Variants in SIM1 observed in about 807,000 individuals in gnomAD.
SIM1 encodes the protein SIM bHLH transcription factor 1.
In SIM1, 18 loss-of-function variants were observed where a neutral mutation model predicts 78.2. The observed-to-expected ratio is 0.23, with a 90% CI of 0.16 to 0.34. The LOEUF (loss-of-function observed/expected upper bound fraction) is 0.34. SIM1 is among the 10% of genes least tolerant of loss of function. The pLI is 1.00. For synonymous variants in SIM1, 417 were observed against 385.2 expected, an observed-to-expected ratio of 1.08 and a Z score of -0.97; for missense variants, 939 against 975.1, an observed-to-expected ratio of 0.96 and a Z score of 0.49.
intron 9 of SIM1, among the ~76,000 whole-genome samples, chr6:100,423,869 AC>A (rs1771656969): frequency 6.6e-6 from 1 of 152,210 alleles, no homozygotes; most frequent in Non-Finnish European, 1.5e-5. Flanking sequence ...CGTTCATTGG[AC>A]AATAGTCCAG....
intron 10 of SIM1, among the ~76,000 whole-genome samples, chr6:100,399,090 T>A (rs1222483277): frequency 3.3e-5 from 5 of 152,118 alleles, no homozygotes; most frequent in Non-Finnish European, 5.9e-5. Flanking sequence ...CATTTGTAAA[T>A]CTTTGGAGAA....
intron 10 of SIM1, among the ~76,000 whole-genome samples, chr6:100,415,878 G>T (rs1029546201): frequency 1.3e-5 from 2 of 152,094 alleles, no homozygotes; most frequent in African/African-American, 4.8e-5. Flanking sequence ...AAAGTCTCTT[G>T]GGTAACTGCC....
At chr6:100,437,467 C>T (rs1290203290) in intron 9 of SIM1, 1 of 151,882 alleles carries the variant, frequency 6.6e-6, no homozygotes, top group African/African-American at 2.4e-5. Flanking sequence ...TTAAAATATA[C>T]CCATCATACA....
chr6:100,438,720 T>C (rs1454805295), intron 9 of SIM1, among the ~76,000 whole-genome samples: 1 of 152,190 alleles, frequency 6.6e-6, no homozygotes, highest in African/African-American at 2.4e-5. Flanking sequence ...TAAGTGCCCA[T>C]CAACCAATGA....
At chr6:100,457,480 G>C (rs1156385188) in intron 2 of SIM1, among the ~76,000 whole-genome samples, 3 of 152,116 alleles carry the variant, frequency 2.0e-5, no homozygotes, top group African/African-American at 7.2e-5. Flanking sequence ...GGAGAGTCTG[G>C]CCCAGGGGGT....
chr6:100,429,018 G>A (rs241813), intron 9 of SIM1, among the ~76,000 whole-genome samples: 14,024 of 152,094 alleles, frequency 0.092, 847 homozygotes, highest in East Asian at 0.15. Context: ...GGGGGACTAT[G>A]GTAATTCCAC....
At chr6:100,435,241 A>G (rs1405938050) in intron 9 of SIM1, among the ~76,000 whole-genome samples, 2 of 152,368 alleles carry the variant, frequency 1.3e-5, no homozygotes, top group East Asian at 3.9e-4. Flanking sequence ...GCAAAATGTC[A>G]TAAATGACTA....
At chr6:100,415,480 A>C (rs1771374718) in intron 10 of SIM1, among the ~76,000 whole-genome samples, 1 of 152,200 alleles carries the variant, frequency 6.6e-6, no homozygotes, top group Admixed American at 6.5e-5. Context: ...AATCTTTGGA[A>C]ATTAACTGTA....
At chr6:100,451,855 C>T (rs1338246802) in intron 3 of SIM1, among the ~76,000 whole-genome samples, 2 of 152,094 alleles carry the variant, frequency 1.3e-5, no homozygotes, top group African/African-American at 4.8e-5. Context: ...TGCTAAACTT[C>T]AAGTGTATGC....
In SIM1 at chr6:100,393,817, T is replaced by A. The variant is rs578076640; in HGVS notation, c.1240A>T (p.Thr414Ser). ...SQWGGSPLTDTASPQLLDPAD... is the reference protein window; with the variant it reads ...SQWGGSPLTDSASPQLLDPAD... Reference sequence around the variant, plus strand: ...GGGTCCAGAAGCTGCGGAGAGGCCGTGTCGGTCAAGGGACTTCCGCCCCAC... The same window carrying A: ...GGGTCCAGAAGCTGCGGAGAGGCCGAGTCGGTCAAGGGACTTCCGCCCCAC... The change falls in exon 11 of 12, where the codon ACG becomes TCG. Residue 414 changes from threonine (T) to serine (S), a missense_variant. Thr to Ser is a moderately conservative substitution (Grantham distance 58, BLOSUM62 1). This residue lies in a region of SIM1 where 556 missense variants were observed against 521.9 expected (regional missense o/e 1.07). Coordinates refer to ENST00000369208, the MANE Select transcript of SIM1 (RefSeq NM_005068.3). 1.1e-5 allele frequency: 17 copies of A among 1,612,658 alleles called. No individual in the cohort carries two copies. The Admixed American group carries it at 2.3e-4, about 22-fold the overall frequency.
intron 9 of SIM1, among the ~76,000 whole-genome samples, chr6:100,441,377 C>T (rs1271255971): frequency 1.3e-5 from 2 of 152,166 alleles, no homozygotes; most frequent in African/African-American, 4.8e-5. Context: ...CCCCTCCATT[C>T]TCTCTCAAAG....
chr6:100,420,735 A>C (rs2114504059), intron 10 of SIM1, 55 bp downstream of exon 10: 1 of 1,522,966 alleles, frequency 6.6e-7, no homozygotes, highest in Middle Eastern at 1.8e-4. Flanking sequence ...TCTCAACTTC[A>C]AGTTCAAACC....
In SIM1 at chr6:100,421,959, G is replaced by A. The variant is rs76739148; in HGVS notation, c.999-1001C>T. Among the ~76,000 whole-genome samples the A allele has an allele frequency of 4.3e-4, 66 of 152,168 alleles. No individual in the cohort carries two copies. The East Asian group carries it at 0.01, about 24-fold the overall frequency. On this transcript the variant is annotated intron_variant, in intron 9 of 11. Coordinates refer to ENST00000369208, the MANE Select transcript of SIM1 (RefSeq NM_005068.3). The stretch of plus-strand genomic sequence containing the variant: ...TTTATTTTGATCTCTTGAACACTGT[G>A]AATCATATAGCTCCTCACGTTTCCC...
intron 10 of SIM1, among the ~76,000 whole-genome samples, chr6:100,399,485 G>A (rs928529685): frequency 6.6e-6 from 1 of 152,008 alleles, no homozygotes; most frequent in Non-Finnish European, 1.5e-5. Context: ...GGCAACATGA[G>A]AGATCCTTGT....
At chr6:100,417,788 G>A (rs1771441752) in intron 10 of SIM1, among the ~76,000 whole-genome samples, 2 of 152,184 alleles carry the variant, frequency 1.3e-5, no homozygotes, top group Middle Eastern at 6.8e-3. Flanking sequence ...TGATCTCTAG[G>A]TTATCAACAA....
intron 9 of SIM1, chr6:100,437,480 C>T (rs953843269): frequency 6.6e-5 from 10 of 151,724 alleles, no homozygotes; most frequent in South Asian, 2.1e-4. Context: ...ATCATACATA[C>T]GGCAGCACAG....
chr6:100,450,909 G>A (rs76466657), intron 3 of SIM1, among the ~76,000 whole-genome samples: 1,613 of 152,276 alleles, frequency 0.011, 23 homozygotes, highest in African/African-American at 0.036. Flanking sequence ...GACAGGGGGC[G>A]TTTAGGAGAT....
At chr6:100,395,024 A>G (rs1770735006) in intron 10 of SIM1, among the ~76,000 whole-genome samples, 1 of 152,196 alleles carries the variant, frequency 6.6e-6, no homozygotes. Flanking sequence ...ATCTACTCCC[A>G]GACTATTTGG....
chr6:100,412,743 G>GAAA, intron 10 of SIM1, among the ~76,000 whole-genome samples: 1 of 130,040 alleles, frequency 7.7e-6, no homozygotes, highest in Non-Finnish European at 1.7e-5. Flanking sequence ...AAGAAAGAAA[G>GAAA]AAAGAAAGAA....
Sources: gnomAD v4.1 joint callset for allele counts (sites outside exome capture counted in the v4.1 genomes callset) on GRCh38, gnomAD v4.1.1 for gene constraint, gnomAD v4.1.1 regional missense constraint, MANE v1.5 for transcripts, NCBI Gene and HGNC (gene_info 2026-07-23, HGNC 2026-07-21) for gene names.